Variants in MOB1B observed in about 807,000 individuals in gnomAD.
MOB1B encodes the protein MOB kinase activator 1B.
A neutral mutation model predicts 24.4 loss-of-function variants in MOB1B; 19 were observed. The ratio of observed to expected loss-of-function variants is 0.78; its 90% confidence interval spans 0.54 to 1.14. The LOEUF (loss-of-function observed/expected upper bound fraction) is 1.14. Among genes scored for constraint, MOB1B ranks in the 50% most tolerant of loss-of-function variants. MOB1B has a pLI of 0.00. For missense variants in MOB1B, 243 were observed against 259.6 expected, an observed-to-expected ratio of 0.94 and a Z score of 0.44; for synonymous variants, 76 against 82.1, an observed-to-expected ratio of 0.93 and a Z score of 0.40.
At chr4:70,979,596 C>G (rs912136499) in intron 5 of MOB1B, among the ~76,000 whole-genome samples, 1 of 152,168 alleles carries the variant, frequency 6.6e-6, no homozygotes, top group Non-Finnish European at 1.5e-5. Flanking sequence ...TGTGGATGAA[C>G]TGGTTCTCCT....
chr4:70,970,159 T>C, intron 3 of MOB1B, 135 bp downstream of exon 3: 1 of 571,520 alleles, frequency 1.7e-6, no homozygotes, highest in Non-Finnish European at 3.1e-6. Flanking sequence ...TTAATCTAGA[T>C]TCCTTAGCTT....
intron 4 of MOB1B, among the ~76,000 whole-genome samples, chr4:70,977,395 G>T (rs1437785723): frequency 6.6e-6 from 1 of 152,112 alleles, no homozygotes; most frequent in East Asian, 1.9e-4. Flanking sequence ...ATAGCAATAT[G>T]ATGGCAATAT....
chr4:70,952,471 G>C (rs1737847798), intron 1 of MOB1B, among the ~76,000 whole-genome samples: 1 of 151,204 alleles, frequency 6.6e-6, no homozygotes, highest in South Asian at 2.1e-4. Flanking sequence ...GTGAAACCCC[G>C]TCTCTACCAA....
chr4:70,909,062 A>AG (rs1448448437), intron 1 of MOB1B, among the ~76,000 whole-genome samples: 2 of 151,954 alleles, frequency 1.3e-5, no homozygotes, highest in East Asian at 3.9e-4. Flanking sequence ...AAAAAAAAAA[A>AG]AAAAATTAGC....
intron 1 of MOB1B, among the ~76,000 whole-genome samples, chr4:70,939,939 C>G (rs1578371102): frequency 1.3e-5 from 2 of 152,302 alleles, no homozygotes; most frequent in African/African-American, 4.8e-5. Context: ...ATGATTTTCC[C>G]CTGGAGTCTG....
chr4:70,913,284 G>C (rs1472321083), intron 1 of MOB1B, among the ~76,000 whole-genome samples: 1 of 151,842 alleles, frequency 6.6e-6, no homozygotes, highest in Non-Finnish European at 1.5e-5. Context: ...ATGTATGTAT[G>C]TATGTATGTA....
At chr4:70,967,955 A>G (rs957366807) in intron 2 of MOB1B, among the ~76,000 whole-genome samples, 1 of 152,012 alleles carries the variant, frequency 6.6e-6, no homozygotes, top group Admixed American at 6.6e-5. Flanking sequence ...TCAGCCTCCT[A>G]GAGTGTTCCA....
chr4:70,973,279 A>T (rs1468504223), intron 3 of MOB1B, among the ~76,000 whole-genome samples: 1 of 152,054 alleles, frequency 6.6e-6, no homozygotes, highest in African/African-American at 2.4e-5. Context: ...TTCTTAACAT[A>T]AGGTAGTAAA....
chr4:70,937,807 T>C (rs1032320743), intron 1 of MOB1B, among the ~76,000 whole-genome samples: 2 of 152,224 alleles, frequency 1.3e-5, no homozygotes, highest in African/African-American at 4.8e-5. Flanking sequence ...ATTACAGGCG[T>C]GAGCCACCGT....
upstream of MOB1B, among the ~76,000 whole-genome samples, chr4:70,901,991 C>A (rs1019462705): frequency 1.3e-5 from 2 of 152,168 alleles, no homozygotes; most frequent in African/African-American, 4.8e-5. Flanking sequence ...GGCCTAACTC[C>A]GGTGGTAATT....
intron 1 of MOB1B, among the ~76,000 whole-genome samples, chr4:70,917,819 A>G (rs1266316897): frequency 6.6e-6 from 1 of 152,218 alleles, no homozygotes; most frequent in Non-Finnish European, 1.5e-5. Context: ...AGCTTTAATT[A>G]TTTTCCCAGG....
At position 70,969,919 on chromosome 4, in the gene MOB1B, C is replaced by T; in HGVS notation, c.182-12C>T. 1 of 1,499,286 alleles carries T rather than the reference C, an allele frequency of 6.7e-7. No homozygotes were observed. The highest frequency in any genetic ancestry group is 9.2e-7 in the Non-Finnish European group (1 of 1,085,266). The allele number at this position is 1,499,286 out of a possible 1,614,324, so 92.9% of individuals were successfully genotyped here. On this transcript the variant is annotated splice_polypyrimidine_tract_variant and intron_variant, in intron 2 of 5. Transcript: ENST00000309395. ...CATTCTGTTTTACTTACAACTGATACTTGCTTTACAGCTGTGGATTTCTTC... is the reference window on the plus strand; with the variant it reads ...CATTCTGTTTTACTTACAACTGATATTTGCTTTACAGCTGTGGATTTCTTC...
At chr4:70,913,296 G>GTATGTATC (rs538370992) in intron 1 of MOB1B, among the ~76,000 whole-genome samples, 16 of 151,544 alleles carry the variant, frequency 1.1e-4, no homozygotes, top group Admixed American at 2.0e-4. Flanking sequence ...ATGTATGTAT[G>GTATGTATC]TATGTATCTA....
chr4:70,938,530 C>G (rs1171113332), intron 1 of MOB1B, among the ~76,000 whole-genome samples: 1 of 152,014 alleles, frequency 6.6e-6, no homozygotes, highest in Non-Finnish European at 1.5e-5. Flanking sequence ...GTTTTGCCCT[C>G]TCCATAGAAT....
In MOB1B at chr4:70,902,517, C is replaced by T. The variant is rs1021462628; in HGVS notation, c.-20C>T. On this transcript the variant is annotated 5_prime_UTR_variant, in exon 1 of 6. Transcript: ENST00000309395. The stretch of plus-strand genomic sequence containing the variant: ...CGAGGCCTCGCGACCGCCGAGCCTG[C>T]AGCCTGCCCCGCGGCCAACATGAGC... The T allele has an allele frequency of 3.2e-6, 5 of 1,562,292 alleles. No homozygotes were observed. The highest frequency in any genetic ancestry group is 3.5e-6 in the Non-Finnish European group (4 of 1,153,716).
Position 70,975,144 on chromosome 4 carries a change from C to T in MOB1B, c.276-9C>T, listed in dbSNP as rs775150242. 4 of 1,593,804 alleles carry T rather than the reference C, an allele frequency of 2.5e-6. No homozygotes were observed. Among genetic ancestry groups the T allele is most frequent in the South Asian group, 1.2e-5 (1 of 86,934 alleles). On this transcript the variant is annotated splice_polypyrimidine_tract_variant and intron_variant, in intron 3 of 5. Coordinates refer to ENST00000309395, the MANE Select transcript of MOB1B (RefSeq NM_173468.4). Reference sequence around the variant, plus strand: ...AATCTTCTGTGTGCTTTTTATCTCTCCAATGCAGATATGAGTATCATTGGG... The same window carrying T: ...AATCTTCTGTGTGCTTTTTATCTCTTCAATGCAGATATGAGTATCATTGGG...
At chr4:70,951,848 T>C (rs1413570412) in intron 1 of MOB1B, among the ~76,000 whole-genome samples, 1 of 152,186 alleles carries the variant, frequency 6.6e-6, no homozygotes, top group Admixed American at 6.5e-5. Flanking sequence ...GCCTGGGCAA[T>C]AGAGCAAGAC....
intron 1 of MOB1B, among the ~76,000 whole-genome samples, chr4:70,940,508 G>A (rs1405230411): frequency 1.3e-5 from 2 of 152,096 alleles, no homozygotes; most frequent in East Asian, 3.8e-4. Context: ...GCTTAACATG[G>A]TGGTGACTTG....
chr4:70,972,227 T>G (rs1738786668), intron 3 of MOB1B, among the ~76,000 whole-genome samples: 1 of 152,164 alleles, frequency 6.6e-6, no homozygotes, highest in African/African-American at 2.4e-5. Flanking sequence ...TTATTTTATT[T>G]TTTTGAGACA....
Sources: gnomAD v4.1 joint callset for allele counts (sites outside exome capture counted in the v4.1 genomes callset) on GRCh38, gnomAD v4.1.1 for gene constraint, MANE v1.5 for transcripts, NCBI Gene and HGNC (gene_info 2026-07-23, HGNC 2026-07-21) for gene names.